CNOT4: variants seen among roughly 807,000 people sequenced by gnomAD.
CNOT4 encodes CCR4-NOT transcription complex subunit 4, also known as CCR4-associated factor 4.
In CNOT4, 8 loss-of-function variants were observed where a neutral mutation model predicts 73.8. The ratio of observed to expected loss-of-function variants is 0.11; its 90% confidence interval spans 0.06 to 0.20. The LOEUF is 0.20. Among genes scored for constraint, CNOT4 ranks in the 10% least tolerant of loss-of-function variants. The pLI is 1.00. For missense variants in CNOT4, 564 were observed against 883.4 expected (o/e 0.64, Z 4.58); for synonymous variants, 293 against 321.1 (o/e 0.91, Z 0.94).
intron 1 of CNOT4, among the ~76,000 whole-genome samples, chr7:135,453,163 T>A (rs1223678641): frequency 2.0e-5 from 3 of 152,168 alleles, no homozygotes; most frequent in Admixed American, 2.0e-4. Context: ...ATTAGTCTTT[T>A]TAGAGATACT....
intron 1 of CNOT4, among the ~76,000 whole-genome samples, chr7:135,459,248 G>A (rs187809029): frequency 6.6e-6 from 1 of 151,880 alleles, no homozygotes; most frequent in Non-Finnish European, 1.5e-5. Context: ...CGGGCTTAAC[G>A]TTCCCTAAAC....
At chr7:135,388,715 A>C in intron 10 of CNOT4, 1 of 1,531,192 alleles carries the variant, frequency 6.5e-7, no homozygotes, top group Non-Finnish European at 8.9e-7. Flanking sequence ...TTAAAAGCAA[A>C]ATCATAAAGG....
intron 10 of CNOT4, among the ~76,000 whole-genome samples, chr7:135,375,476 T>TACAC (rs55724598): frequency 0.077 from 11,765 of 152,176 alleles, 509 homozygotes; most frequent in Middle Eastern, 0.13. Flanking sequence ...ACCTCAGGAG[T>TACAC]ACACACAAAG....
rs575646769 is a variant in CNOT4 at position 135,480,355 on chromosome 7, TTC to T, written c.-93+29532_-93+29533del. Among the ~76,000 whole-genome samples, 166 of 152,348 alleles carry T rather than the reference TTC, an allele frequency of 1.1e-3. 1 individual carries two copies. Among genetic ancestry groups the T allele is most frequent in the African/African-American group, 3.7e-3 (153 of 41,594 alleles). On this transcript the variant is annotated intron_variant, in intron 1 of 11. Coordinates refer to ENST00000541284, the MANE Select transcript of CNOT4 (RefSeq NM_001190850.2). ...TAAATCTCACTTATTTATTTAAGAA[TTC>T]TCTTTTTATATACCCTTTGGTCTCC...
chr7:135,485,727 CAAG>C (rs905881839), intron 1 of CNOT4, among the ~76,000 whole-genome samples: 1 of 151,948 alleles, frequency 6.6e-6, no homozygotes, highest in Non-Finnish European at 1.5e-5. Context: ...GGAAGCGGGA[CAAG>C]AAGGGGGAAG....
chr7:135,408,795 C>A (rs11764781), intron 7 of CNOT4, among the ~76,000 whole-genome samples: 38,113 of 152,058 alleles, frequency 0.25, 5,037 homozygotes, highest in East Asian at 0.52. Context: ...GTGGCCCCAA[C>A]TGGGAATCGA....
intron 1 of CNOT4, among the ~76,000 whole-genome samples, chr7:135,489,316 A>AT (rs1391693812): frequency 6.6e-6 from 1 of 151,158 alleles, no homozygotes; most frequent in East Asian, 1.9e-4. Flanking sequence ...ATTTTATAAA[A>AT]TTTTGTTACT....
At chr7:135,482,986 C>CAAAA (rs36125617) in intron 1 of CNOT4, among the ~76,000 whole-genome samples, 55 of 43,486 alleles carry the variant, frequency 1.3e-3, no homozygotes, top group African/African-American at 3.1e-3. Flanking sequence ...GACTCCATAT[C>CAAAA]AAAAAAAAAA....
At chr7:135,449,454 C>T (rs1486878066) in intron 1 of CNOT4, among the ~76,000 whole-genome samples, 1 of 152,132 alleles carries the variant, frequency 6.6e-6, no homozygotes, top group Non-Finnish European at 1.5e-5. Flanking sequence ...AATCCCTAGA[C>T]CCAGAAAGTA....
intron 10 of CNOT4, among the ~76,000 whole-genome samples, chr7:135,391,237 G>T (rs1419942634): frequency 6.6e-6 from 1 of 152,040 alleles, no homozygotes; most frequent in Non-Finnish European, 1.5e-5. Flanking sequence ...CTGCTCTGAG[G>T]CTTAGCACAT....
intron 1 of CNOT4, among the ~76,000 whole-genome samples, chr7:135,441,813 C>T (rs915941367): frequency 2.6e-5 from 4 of 152,042 alleles, no homozygotes; most frequent in Admixed American, 2.6e-4. Context: ...AAAAAGTTTA[C>T]AAGAGTATGT....
chr7:135,440,747 C>T (rs1050974239), intron 1 of CNOT4, among the ~76,000 whole-genome samples: 5 of 151,960 alleles, frequency 3.3e-5, no homozygotes, highest in Admixed American at 6.6e-5. Context: ...GGTGAAATCC[C>T]GTCTCTACTA....
rs1804649670 is a variant in CNOT4 at position 135,510,013 on chromosome 7, C to T, written c.-217G>A. ...CCGGGCCTGATTGCTTCAGCGAGTC[C>T]GACCTTTACGGCTGAGAGAGAGACT... On this transcript the variant is annotated 5_prime_UTR_variant, in exon 1 of 12. Transcript: ENST00000541284. 5.0e-6 allele frequency: 2 copies of T among 399,020 alleles called. No individual in the cohort carries two copies. Among genetic ancestry groups the T allele is most frequent in the Non-Finnish European group, 8.8e-6 (2 of 226,158 alleles). 24.7% of individuals were successfully genotyped at this position (399,020 alleles called of 1,614,324 possible).
rs77054232 is a variant in CNOT4 at position 135,445,883 on chromosome 7, T to C, written c.-92-7460A>G. Among the ~76,000 whole-genome samples, 344 of 152,318 alleles carry C rather than the reference T, an allele frequency of 2.3e-3. 13 individuals carry two copies. The East Asian group carries it at 0.055, about 24-fold the overall frequency. Reference sequence around the variant, plus strand: ...ATTTTATGTTTTCACTTTTGGTTTCTTGTTTTTGAGACACAGTCTCACTCT... The same window carrying C: ...ATTTTATGTTTTCACTTTTGGTTTCCTGTTTTTGAGACACAGTCTCACTCT... On this transcript the variant is annotated intron_variant, in intron 1 of 11. Transcript: ENST00000541284.
At chr7:135,408,156 C>CCATTTATATGTTACAACCATATAA (rs1284275299) in intron 7 of CNOT4, among the ~76,000 whole-genome samples, 4 of 152,066 alleles carry the variant, frequency 2.6e-5, no homozygotes, top group African/African-American at 9.7e-5. Context: ...AAAGCTATAA[C>CCATTTATATGTTACAACCATATAA]CATTTATATG....
intron 3 of CNOT4, among the ~76,000 whole-genome samples, chr7:135,418,798 C>T (rs1169230298): frequency 6.6e-6 from 1 of 152,170 alleles, no homozygotes; most frequent in African/African-American, 2.4e-5. Flanking sequence ...CAAGCTGACC[C>T]TAATTATCCT....
intron 1 of CNOT4, among the ~76,000 whole-genome samples, chr7:135,454,902 A>C (rs951377445): frequency 1.3e-5 from 2 of 152,166 alleles, no homozygotes; most frequent in Non-Finnish European, 2.9e-5. Context: ...AAAATAGAAC[A>C]AAACAAAACA....
chr7:135,398,297 A>G, intron 7 of CNOT4, 71 bp from the exon 8 acceptor site: 2 of 772,020 alleles, frequency 2.6e-6, no homozygotes, highest in Non-Finnish European at 2.2e-6. Context: ...AAACTCCTCA[A>G]AAGAAAAAAA....
chr7:135,468,141 G>A (rs760288503), intron 1 of CNOT4, among the ~76,000 whole-genome samples: 1 of 151,670 alleles, frequency 6.6e-6, no homozygotes, highest in Non-Finnish European at 1.5e-5. Flanking sequence ...GCGTGAACCC[G>A]GGAGGCAGAG....
Sources: gnomAD v4.1 joint callset for allele counts (sites outside exome capture counted in the v4.1 genomes callset) on GRCh38, gnomAD v4.1.1 for gene constraint, MANE v1.5 for transcripts, NCBI Gene and HGNC (gene_info 2026-07-23, HGNC 2026-07-21) for gene names.